The following RPH3A variants were observed in gnomAD, a reference collection of about 807,000 sequenced individuals.
The protein encoded by RPH3A is rabphilin-3A.
A neutral mutation model predicts 102.2 loss-of-function variants in RPH3A; 48 were observed. The observed-to-expected ratio is 0.47, with a 90% CI of 0.37 to 0.60. The LOEUF is 0.60. RPH3A is among the 20% of genes least tolerant of loss of function. The pLI is 0.00. For synonymous variants in RPH3A, 310 were observed against 324.3 expected (o/e 0.96, Z 0.47); for missense variants, 781 against 910.1 (o/e 0.86, Z 1.83).
intron 1 of RPH3A, among the ~76,000 whole-genome samples, chr12:112,779,245 T>C (rs937804479): frequency 2.0e-5 from 3 of 152,174 alleles, no homozygotes; most frequent in Non-Finnish European, 4.4e-5. Context: ...TAGACTCTCA[T>C]GCAGCCTAAA....
chr12:112,732,753 G>T (rs1049708488), intron 1 of RPH3A, among the ~76,000 whole-genome samples: 9 of 152,182 alleles, frequency 5.9e-5, no homozygotes, highest in Non-Finnish European at 1.3e-4. Flanking sequence ...CTCAGCATTT[G>T]TTGAGTATGG....
chr12:112,854,297 A>C (rs1716042094), intron 5 of RPH3A, among the ~76,000 whole-genome samples: 1 of 152,254 alleles, frequency 6.6e-6, no homozygotes, highest in Non-Finnish European at 1.5e-5. Flanking sequence ...TTGGTGGAGA[A>C]GGAATGGGAG....
chr12:112,856,480 G>T (rs1281815551), intron 5 of RPH3A, among the ~76,000 whole-genome samples: 1 of 92,440 alleles, frequency 1.1e-5, no homozygotes, highest in Non-Finnish European at 2.1e-5. Context: ...GATCACACAT[G>T]TGCATGTGTG....
intron 1 of RPH3A, among the ~76,000 whole-genome samples, chr12:112,774,796 G>A (rs1592992248): frequency 6.6e-6 from 1 of 152,156 alleles, no homozygotes; most frequent in Admixed American, 6.5e-5. Flanking sequence ...GTAGGGGGCG[G>A]AGAGCAGTAG....
intron 8 of RPH3A, chr12:112,869,279 A>G (rs909744681): frequency 6.4e-6 from 1 of 156,894 alleles, no homozygotes; most frequent in African/African-American, 2.4e-5. Flanking sequence ...GATTGAGTGC[A>G]GGCGGTACTT....
At chr12:112,726,041 C>T (rs1458560668) in intron 1 of RPH3A, among the ~76,000 whole-genome samples, 5 of 151,480 alleles carry the variant, frequency 3.3e-5, no homozygotes, top group South Asian at 2.1e-4. Context: ...GTGATCCACC[C>T]GCCTTGGCCT....
intron 1 of RPH3A, among the ~76,000 whole-genome samples, chr12:112,580,394 C>CTTTTTTTTTTTTTTT (rs773931202): frequency 3.6e-4 from 28 of 76,956 alleles, no homozygotes; most frequent in East Asian, 3.2e-3. Context: ...TTTGTCTTGT[C>CTTTTTTTTTTTTTTT]TTTTTTTTTT....
chr12:112,671,944 A>ATGTG (rs1004194898), intron 1 of RPH3A, among the ~76,000 whole-genome samples: 31 of 151,762 alleles, frequency 2.0e-4, no homozygotes, highest in African/African-American at 7.0e-4. Context: ...GTATGTATGT[A>ATGTG]TGTCCAAAAT....
intron 1 of RPH3A, among the ~76,000 whole-genome samples, chr12:112,764,292 G>A (rs141852486): frequency 1.3e-5 from 2 of 152,288 alleles, no homozygotes; most frequent in South Asian, 2.1e-4. Context: ...GGCCAAAAAC[G>A]AGTTAAGGTA....
chr12:112,726,138 G>A (rs555113751), intron 1 of RPH3A, among the ~76,000 whole-genome samples: 1 of 151,030 alleles, frequency 6.6e-6, no homozygotes, highest in Non-Finnish European at 1.5e-5. Context: ...AGTGGGGGAT[G>A]GAGTCTTACT....
At chr12:112,746,533 C>T (rs1039480897) in intron 1 of RPH3A, among the ~76,000 whole-genome samples, 2 of 152,036 alleles carry the variant, frequency 1.3e-5, no homozygotes, top group South Asian at 2.1e-4. Context: ...GGCTAATTAA[C>T]GATGCCCTTC....
intron 4 of RPH3A, among the ~76,000 whole-genome samples, chr12:112,843,167 C>A (rs558802977): frequency 6.6e-6 from 1 of 152,288 alleles, no homozygotes; most frequent in East Asian, 1.9e-4. Flanking sequence ...TCCCAAGGAC[C>A]GATTCTTGAG....
upstream of RPH3A, among the ~76,000 whole-genome samples, chr12:112,788,512 G>GCCC (rs1214888841): frequency 6.6e-6 from 1 of 152,228 alleles, no homozygotes; most frequent in African/African-American, 2.4e-5. Flanking sequence ...GGTTGTGTGA[G>GCCC]TTTGGGGGCT....
At chr12:112,808,581 ACTAG>A (rs2041512845) in intron 2 of RPH3A, among the ~76,000 whole-genome samples, 2 of 152,210 alleles carry the variant, frequency 1.3e-5, no homozygotes, top group South Asian at 4.1e-4. Context: ...TGCCTGAATT[ACTAG>A]CTGTGATTCA....
At chr12:112,868,764 G>A (rs571560067) in intron 8 of RPH3A, 169 bp downstream of exon 8, 30 of 667,794 alleles carry the variant, frequency 4.5e-5, no homozygotes, top group Admixed American at 3.3e-4. Flanking sequence ...ACCATAAATC[G>A]TTACCAAGAG....
In RPH3A at chr12:112,891,955, T is replaced by C. The variant is rs374195549; in HGVS notation, c.1775+952T>C. On this transcript the variant is annotated intron_variant, in intron 19 of 21. Coordinates refer to ENST00000389385, the MANE Select transcript of RPH3A (RefSeq NM_001143854.2). ...TGCTGGCTGTGGACTCTAAGCAAGT[T>C]ATTTAGCTTCTCATTCAGTTTCTTC... is the stretch of plus-strand genomic sequence containing the variant. 2.2e-4 allele frequency among the ~76,000 whole-genome samples: 34 copies of C among 152,352 alleles called. 1 individual carries two copies. Among genetic ancestry groups the C allele is most frequent in the South Asian group, 1.0e-3 (5 of 4,826 alleles).
At chr12:112,678,253 GAAA>G (rs1592939392) in intron 1 of RPH3A, among the ~76,000 whole-genome samples, 3 of 41,348 alleles carry the variant, frequency 7.3e-5, no homozygotes, top group East Asian at 5.6e-4. Flanking sequence ...AAGAAAGAAA[GAAA>G]GAAAGAAAGA....
In RPH3A at chr12:112,869,979, C is replaced by T. The variant is rs760818180; in HGVS notation, c.736C>T (p.Arg246Ter). 1.9e-6 allele frequency: 3 copies of T among 1,614,134 alleles called. No homozygotes were observed. Among genetic ancestry groups the T allele is most frequent in the South Asian group, 1.1e-5 (1 of 91,080 alleles). ...CGAGGCACGAATGAGCTCATCTAGC[C>T]GAGATTCAGAGAGCTGGGACCACAG... is the stretch of plus-strand genomic sequence containing the variant. ...ASEARMSSSS[R>*]DSESWDHSGG... The change falls in exon 10 of 22, where the codon CGA becomes TGA. Residue 246 changes from arginine to a stop codon, truncating the protein, a stop_gained. Transcript: ENST00000389385. LOFTEE classifies it high-confidence loss of function.
chr12:112,799,785 C>T (rs951453757), intron 2 of RPH3A, among the ~76,000 whole-genome samples: 1 of 152,198 alleles, frequency 6.6e-6, no homozygotes, highest in South Asian at 2.1e-4. Context: ...TGGTTCAATG[C>T]CCAAGCTTCT....
Sources: gnomAD v4.1 joint callset for allele counts (sites outside exome capture counted in the v4.1 genomes callset) on GRCh38, gnomAD v4.1.1 for gene constraint, MANE v1.5 for transcripts, NCBI Gene and HGNC (gene_info 2026-07-23, HGNC 2026-07-21) for gene names.